MDGA2: variants seen among roughly 807,000 people sequenced by gnomAD.
MDGA2 encodes the protein MAM domain-containing glycosylphosphatidylinositol anchor protein 2.
MDGA2 carries 40 observed loss-of-function variants against 117.8 expected under a neutral mutation model. That is an observed-to-expected ratio of 0.34 (90% CI 0.26 to 0.44). The LOEUF (loss-of-function observed/expected upper bound fraction) is 0.44, where lower values mean the gene tolerates loss of function less well. Among genes scored for constraint, MDGA2 ranks in the 20% least tolerant of loss-of-function variants. The pLI is 1.00. For synonymous variants in MDGA2, 452 were observed against 439.0 expected (o/e 1.03, Z -0.37); for missense variants, 1,123 against 1,250.6 (o/e 0.90, Z 1.54).
intron 14 of MDGA2, among the ~76,000 whole-genome samples, chr14:46,859,330 A>G (rs542579621): frequency 6.6e-6 from 1 of 152,302 alleles, no homozygotes; most frequent in Admixed American, 6.5e-5. Flanking sequence ...TTGCTGTATT[A>G]TAAGTCTTGG....
chr14:47,390,404 T>C (rs1891867046), intron 1 of MDGA2, among the ~76,000 whole-genome samples: 1 of 152,114 alleles, frequency 6.6e-6, no homozygotes, highest in Non-Finnish European at 1.5e-5. Context: ...AGCCTAACTT[T>C]GGCTGGTGCC....
intron 1 of MDGA2, among the ~76,000 whole-genome samples, chr14:47,556,275 T>A (rs1895681521): frequency 6.6e-6 from 1 of 152,148 alleles, no homozygotes; most frequent in Non-Finnish European, 1.5e-5. Context: ...GACTCCACAA[T>A]CTGATCTATC....
rs576302991 is a variant in MDGA2 at position 47,065,717 on chromosome 14, A to G, written c.1196-4139T>C. Among the ~76,000 whole-genome samples the G allele has an allele frequency of 3.9e-5, 6 of 152,350 alleles. 1 individual carries two copies. The South Asian group carries it at 1.2e-3, about 32-fold the overall frequency. On this transcript the variant is annotated intron_variant, in intron 6 of 16. Transcript: ENST00000399232. Reference sequence around the variant, plus strand: ...AAAAAGACAACAGTCTTATACTTTAATGTGAAAAGCATCTCTTTGGAGATA... The same window carrying G: ...AAAAAGACAACAGTCTTATACTTTAGTGTGAAAAGCATCTCTTTGGAGATA...
chr14:47,594,045 T>G (rs1165833049), intron 1 of MDGA2, among the ~76,000 whole-genome samples: 1 of 152,174 alleles, frequency 6.6e-6, no homozygotes, highest in Non-Finnish European at 1.5e-5. Context: ...TGCTAGGACT[T>G]TTCAGGATAA....
At chr14:47,495,066 C>T (rs531021449) in intron 1 of MDGA2, among the ~76,000 whole-genome samples, 29 of 151,828 alleles carry the variant, frequency 1.9e-4, no homozygotes, top group Admixed American at 5.9e-4. Flanking sequence ...CACATACATA[C>T]ATCATAGAAT....
intron 4 of MDGA2, among the ~76,000 whole-genome samples, chr14:47,137,088 T>G (rs1882494016): frequency 6.6e-6 from 1 of 152,204 alleles, no homozygotes; most frequent in African/African-American, 2.4e-5. Context: ...TACCTGAATT[T>G]TTTTGGTCAT....
chr14:47,484,766 CG>C (rs774866038), intron 1 of MDGA2, among the ~76,000 whole-genome samples: 19 of 152,172 alleles, frequency 1.2e-4, no homozygotes, highest in Non-Finnish European at 2.4e-4. Flanking sequence ...ATGGCTCTCA[CG>C]AGAGCTGATG....
At chr14:47,108,275 ATTTTG>A (rs1289364021) in intron 5 of MDGA2, among the ~76,000 whole-genome samples, 5 of 151,972 alleles carry the variant, frequency 3.3e-5, no homozygotes, top group Admixed American at 6.6e-5. Flanking sequence ...CTTCAACACT[ATTTTG>A]TTTTATTTTT....
At chr14:47,381,120 T>C (rs571338003) in intron 1 of MDGA2, among the ~76,000 whole-genome samples, 2 of 152,268 alleles carry the variant, frequency 1.3e-5, no homozygotes, top group African/African-American at 2.4e-5. Context: ...CACATGATTA[T>C]CTCAATAGAT....
At chr14:47,176,501 T>C (rs1057387969) in intron 3 of MDGA2, among the ~76,000 whole-genome samples, 6 of 151,970 alleles carry the variant, frequency 3.9e-5, no homozygotes, top group African/African-American at 1.5e-4. Flanking sequence ...ACACTGCATA[T>C]CTACAACTAT....
chr14:47,517,385 A>G (rs1894776363), intron 1 of MDGA2, among the ~76,000 whole-genome samples: 1 of 152,200 alleles, frequency 6.6e-6, no homozygotes, highest in Non-Finnish European at 1.5e-5. Flanking sequence ...ACTCATAGCA[A>G]AAGTACAAAA....
chr14:46,972,863 G>T (rs1331726594), intron 8 of MDGA2, among the ~76,000 whole-genome samples: 1 of 151,988 alleles, frequency 6.6e-6, no homozygotes, highest in Non-Finnish European at 1.5e-5. Context: ...GAAAATATTT[G>T]CCAAGACATA....
intron 10 of MDGA2, among the ~76,000 whole-genome samples, chr14:46,888,644 TA>T (rs1370289343): frequency 6.6e-6 from 1 of 151,668 alleles, no homozygotes; most frequent in Non-Finnish European, 1.5e-5. Flanking sequence ...CAAAATTGAC[TA>T]ACTTAAAAGC....
At chr14:47,110,968 A>C (rs940987128) in intron 5 of MDGA2, among the ~76,000 whole-genome samples, 7 of 152,284 alleles carry the variant, frequency 4.6e-5, no homozygotes, top group African/African-American at 1.7e-4. Flanking sequence ...AAAAAATCCT[A>C]ATTCAACATA....
intron 7 of MDGA2, among the ~76,000 whole-genome samples, chr14:47,057,167 A>G (rs1413160632): frequency 6.6e-6 from 1 of 152,148 alleles, no homozygotes; most frequent in African/African-American, 2.4e-5. Flanking sequence ...TGCCAAATAT[A>G]TCCTCCTTCC....
chr14:47,173,461 T>C (rs369007916), intron 3 of MDGA2, among the ~76,000 whole-genome samples: 3 of 152,222 alleles, frequency 2.0e-5, no homozygotes, highest in South Asian at 2.1e-4. Flanking sequence ...TCGGCAGAAA[T>C]TCTACAAGCC....
intron 1 of MDGA2, among the ~76,000 whole-genome samples, chr14:47,426,741 AT>A (rs918473987): frequency 6.7e-6 from 1 of 148,814 alleles, no homozygotes; most frequent in Non-Finnish European, 1.5e-5. Flanking sequence ...AGTGAACAAC[AT>A]AGTTATCCAA....
intron 1 of MDGA2, among the ~76,000 whole-genome samples, chr14:47,480,172 G>A (rs1000198262): frequency 6.6e-6 from 1 of 151,862 alleles, no homozygotes; most frequent in African/African-American, 2.4e-5. Flanking sequence ...CTCAAACTTT[G>A]GCATGTGTAA....
chr14:47,051,267 T>C (rs1170888492), intron 7 of MDGA2, among the ~76,000 whole-genome samples: 1 of 151,878 alleles, frequency 6.6e-6, no homozygotes, highest in East Asian at 1.9e-4. Flanking sequence ...CCTCAGTATT[T>C]TAAATCCGTG....
Sources: allele counts gnomAD v4.1 joint callset (sites outside exome capture counted in the v4.1 genomes callset), GRCh38; gene constraint gnomAD v4.1.1; transcripts MANE v1.5; gene names NCBI Gene and HGNC (gene_info 2026-07-23, HGNC 2026-07-21).